Variants in CPNE7 observed in about 807,000 individuals in gnomAD.
The protein encoded by CPNE7 is copine-7.
CPNE7 carries 78 observed loss-of-function variants against 66.5 expected under a neutral mutation model. The observed-to-expected ratio is 1.17, with a 90% CI of 0.98 to 1.42. CPNE7 has a LOEUF of 1.42. Among genes scored for constraint, CPNE7 ranks in the 40% most tolerant of loss-of-function variants. The probability of loss-of-function intolerance (pLI) is 0.00; values close to 1 mark genes in which losing one functional copy is unlikely to be tolerated. For missense variants in CPNE7, 1,012 were observed against 776.6 expected, an observed-to-expected ratio of 1.30 and a Z score of -3.60; for synonymous variants, 468 against 336.7, an observed-to-expected ratio of 1.39 and a Z score of -4.27.
chr16:89,585,791 C>A lies in CPNE7; in HGVS notation c.780+6C>A, dbSNP rs748355058. ...AGGCCTTTGAGGAGGGGCAGGTGAGCAGGACGGGGTAGGGGGTCCTCCAGG... is the reference window on the plus strand; with the variant it reads ...AGGCCTTTGAGGAGGGGCAGGTGAGAAGGACGGGGTAGGGGGTCCTCCAGG... On this transcript the variant is annotated splice_donor_region_variant and intron_variant, in intron 7 of 14. Transcript: ENST00000319518. 1 of 1,221,070 alleles carries A rather than the reference C, an allele frequency of 8.2e-7. No homozygotes were observed. Among genetic ancestry groups the A allele is most frequent in the Non-Finnish European group, 1.1e-6 (1 of 949,368 alleles). 75.6% of individuals were successfully genotyped at this position (1,221,070 alleles called of 1,614,324 possible).
intron 7 of CPNE7, 41 bp from the exon 8 acceptor site, chr16:89,586,629 G>A (rs2059044120): frequency 1.9e-6 from 3 of 1,547,814 alleles, no homozygotes; most frequent in Non-Finnish European, 1.8e-6. Flanking sequence ...TAGGTGTTCA[G>A]AGCCACCACT....
At chr16:89,595,996 C>T (rs1317718988) in intron 14 of CPNE7, 6 of 489,244 alleles carry the variant, frequency 1.2e-5, no homozygotes, top group African/African-American at 6.2e-5. Flanking sequence ...ACAGCACACA[C>T]GTGAGGTTCT....
chr16:89,585,405 C>A (rs1297022839), intron 5 of CPNE7, 59 bp from the exon 6 acceptor site: 4 of 1,198,100 alleles, frequency 3.3e-6, no homozygotes, highest in South Asian at 1.3e-5. Flanking sequence ...AGGTCTCTAT[C>A]CCCCCCAAGG....
chr16:89,590,169 C>T lies in CPNE7; in HGVS notation c.1116+218C>T, dbSNP rs78152365. 9.0e-3 allele frequency among the ~76,000 whole-genome samples: 1,374 copies of T among 152,302 alleles called. 90 individuals carry two copies. In the East Asian group the frequency reaches 0.18, roughly 19 times the overall value. On this transcript the variant is annotated intron_variant, in intron 11 of 14. Coordinates refer to ENST00000319518, the MANE Select transcript of CPNE7 (RefSeq NM_153636.3). The stretch of plus-strand genomic sequence containing the variant: ...CTTGAGGGGTGTCTGGAGGCCAACT[C>T]CGTGTTCCTTCAGGAGATAGGGAAG...
chr16:89,583,506 G>A, intron 2 of CPNE7, 191 bp from the exon 3 acceptor site: 1 of 1,559,488 alleles, frequency 6.4e-7, no homozygotes, highest in Non-Finnish European at 8.7e-7. Flanking sequence ...ACGTGCAGGG[G>A]TGGCCACACG....
intron 13 of CPNE7, among the ~76,000 whole-genome samples, chr16:89,591,699 C>A (rs1400585526): frequency 6.6e-6 from 1 of 152,066 alleles, no homozygotes; most frequent in Non-Finnish European, 1.5e-5. Context: ...GCTTTCTTTT[C>A]TTTTCTTTTG....
At chr16:89,583,659 C>G in intron 2 of CPNE7, 38 bp from the exon 3 acceptor site, 1 of 1,611,238 alleles carries the variant, frequency 6.2e-7, no homozygotes, top group African/African-American at 1.3e-5. Context: ...GGAGCCGTCC[C>G]CGCCTGCCCC....
At chr16:89,586,067 G>A (rs2059034104) in intron 7 of CPNE7, among the ~76,000 whole-genome samples, 1 of 88,598 alleles carries the variant, frequency 1.1e-5, no homozygotes, top group South Asian at 4.5e-4. Context: ...GGTGAGGGGG[G>A]CCTCTGGGGA....
chr16:89,583,797 C>A lies in CPNE7; in HGVS notation c.432+26C>A, dbSNP rs182566268. 473 of 1,607,814 alleles carry A rather than the reference C, an allele frequency of 2.9e-4. No individual in the cohort carries two copies. In the African/African-American group the frequency reaches 5.7e-3, roughly 20 times the overall value. On this transcript the variant is annotated intron_variant, in intron 3 of 14. Coordinates refer to ENST00000319518, the MANE Select transcript of CPNE7 (RefSeq NM_153636.3). ...GTGAGACCCGGGCGCACCCCTGCAGCCTGCAGGCCCTGCTGCTGTGGCTCC... is the reference window on the plus strand; with the variant it reads ...GTGAGACCCGGGCGCACCCCTGCAGACTGCAGGCCCTGCTGCTGTGGCTCC...
intron 11 of CPNE7, among the ~76,000 whole-genome samples, chr16:89,590,203 T>C (rs760411979): frequency 1.3e-5 from 2 of 152,190 alleles, no homozygotes; most frequent in African/African-American, 2.4e-5. Flanking sequence ...AGGACGTTAG[T>C]GTGGAATCCT....
At chr16:89,593,277 T>G (rs905134791) in intron 13 of CPNE7, among the ~76,000 whole-genome samples, 1 of 152,300 alleles carries the variant, frequency 6.6e-6, no homozygotes, top group East Asian at 1.9e-4. Flanking sequence ...CTTTGATGCT[T>G]TTTAAAAAAC....
At chr16:89,583,475 G>A (rs1364663001) in intron 2 of CPNE7, 10 of 1,551,592 alleles carry the variant, frequency 6.4e-6, no homozygotes, top group East Asian at 2.4e-5. Context: ...CTGGGCGACT[G>A]CTGGCGCCGT....
intron 5 of CPNE7, among the ~76,000 whole-genome samples, 163 bp downstream of exon 5, chr16:89,585,020 G>C (rs888888539): frequency 6.6e-6 from 1 of 151,986 alleles, no homozygotes; most frequent in Non-Finnish European, 1.5e-5. Context: ...AGCCGCAGGC[G>C]CAGGGCCCTG....
intron 13 of CPNE7, among the ~76,000 whole-genome samples, chr16:89,595,157 G>T (rs1282655296): frequency 6.6e-6 from 1 of 152,098 alleles, no homozygotes; most frequent in Non-Finnish European, 1.5e-5. Flanking sequence ...TCCTGAGCTG[G>T]GCACAGGAGG....
Position 89,585,566 on chromosome 16 carries a change from A to T in CPNE7, c.681+13A>T, listed in dbSNP as rs2059021555. On this transcript the variant is annotated intron_variant, in intron 6 of 14. Coordinates refer to ENST00000319518, the MANE Select transcript of CPNE7 (RefSeq NM_153636.3). ...AAGGCCTCTAAAGGTGGGGGACGGG[A>T]TGGACCAAGGGGGCAGTGAGGGGGT... The T allele has an allele frequency of 6.3e-7, 1 of 1,594,846 alleles. No individual in the cohort carries two copies. Among genetic ancestry groups the T allele is most frequent in the African/African-American group, 1.4e-5 (1 of 73,910 alleles).
At position 89,578,902 on chromosome 16, in the gene CPNE7, G is replaced by T. The variant is rs377398671; in HGVS notation, c.357+1181G>T. On this transcript the variant is annotated intron_variant, in intron 2 of 14. Transcript: ENST00000319518. ...GCAAGTCGTGATGAGAGTGTCTGTT[G>T]ATGTGCTGGGCCCTGCTGGACACTG... The T allele has an allele frequency of 1.4e-5, 23 of 1,613,612 alleles. No individual in the cohort carries two copies. In the Middle Eastern group the frequency reaches 6.6e-4, roughly 46 times the overall value.
At chr16:89,579,031 C>T in intron 2 of CPNE7, 2 of 1,505,676 alleles carry the variant, frequency 1.3e-6, no homozygotes, top group Non-Finnish European at 1.8e-6. Context: ...TGGCTCACGC[C>T]TGTAATCGCA....
chr16:89,579,438 C>T (rs7404704), intron 2 of CPNE7, among the ~76,000 whole-genome samples: 119,987 of 150,662 alleles, frequency 0.8, 48,609 homozygotes, highest in Middle Eastern at 0.9. Context: ...AACATCCCTT[C>T]ACCCCTCACA....
intron 9 of CPNE7, 89 bp from the exon 10 acceptor site, chr16:89,588,586 G>T: frequency 6.5e-7 from 1 of 1,547,048 alleles, no homozygotes; most frequent in Non-Finnish European, 8.8e-7. Flanking sequence ...CCTGAGTCCT[G>T]GCCACTCTGG....
Sources: allele counts gnomAD v4.1 joint callset (sites outside exome capture counted in the v4.1 genomes callset), GRCh38; gene constraint gnomAD v4.1.1; transcripts MANE v1.5; gene names NCBI Gene and HGNC (gene_info 2026-07-23, HGNC 2026-07-21).